The following BCAS3 variants were observed in gnomAD, a reference collection of about 807,000 sequenced individuals.
BCAS3 encodes BCAS4/BCAS3 fusion.
Under a neutral mutation model 116.1 loss-of-function variants are expected in BCAS3, and 53 were observed. The observed-to-expected ratio is 0.46, with a 90% CI of 0.37 to 0.57. The LOEUF (loss-of-function observed/expected upper bound fraction) is 0.57. Among genes scored for constraint, BCAS3 ranks in the 20% least tolerant of loss-of-function variants. The probability of loss-of-function intolerance (pLI) is 0.00; values close to 1 mark genes in which losing one functional copy is unlikely to be tolerated. For synonymous variants in BCAS3, 391 were observed against 408.2 expected (o/e 0.96, Z 0.51); for missense variants, 917 against 1,165.4 (o/e 0.79, Z 3.10).
intron 7 of BCAS3, among the ~76,000 whole-genome samples, chr17:60,838,717 G>A (rs2051599653): frequency 6.6e-6 from 1 of 152,188 alleles, no homozygotes; most frequent in Non-Finnish European, 1.5e-5. Context: ...TTTGGGCATA[G>A]TTTGTTGACT....
rs2055558889 is a variant in BCAS3, at chr17:61,324,384, G to T, written c.2426-43943G>T. Among the ~76,000 whole-genome samples, 1 of 152,226 alleles carries T rather than the reference G, an allele frequency of 6.6e-6. No individual in the cohort carries two copies. The highest frequency in any genetic ancestry group is 6.5e-5 in the Admixed American group (1 of 15,284). On this transcript the variant is annotated intron_variant, in intron 22 of 23. Coordinates refer to ENST00000407086, the MANE Select transcript of BCAS3 (RefSeq NM_017679.5). The surrounding 1 kb of genome is among the most constrained non-coding windows in gnomAD (Gnocchi z 4.6). ...TCACCCATTTGACCCCTGCAAGGCT[G>T]ATCACTGTCAGGGCAGGGCAGGGAG...
intron 22 of BCAS3, among the ~76,000 whole-genome samples, chr17:61,218,108 A>T (rs1006975154): frequency 8.6e-5 from 13 of 151,998 alleles, no homozygotes; most frequent in African/African-American, 3.1e-4. Context: ...TAAAGGAAAG[A>T]CTCCTAAATG....
chr17:60,882,088 C>T (rs2056217789), intron 9 of BCAS3, among the ~76,000 whole-genome samples: 2 of 149,104 alleles, frequency 1.3e-5, no homozygotes, highest in Admixed American at 1.3e-4. Flanking sequence ...TTCTCCACAT[C>T]CTCTCCAGCA....
Position 61,118,913 on chromosome 17 carries a change from CA to C in BCAS3, c.2425+34353del, listed in dbSNP as rs964642950. ...TCTTATTGCATACTAACACTACCCCCAAAATGCATTTTGCTTTTTAAATTAT... is the reference window on the plus strand; with the variant it reads ...TCTTATTGCATACTAACACTACCCCCAAATGCATTTTGCTTTTTAAATTAT... On this transcript the variant is annotated intron_variant, in intron 22 of 23. Transcript: ENST00000407086. The surrounding 1 kb of genome is among the most constrained non-coding windows in gnomAD (Gnocchi z 5.0). Among the ~76,000 whole-genome samples the C allele has an allele frequency of 5.9e-5, 9 of 152,094 alleles. No individual in the cohort carries two copies. Among genetic ancestry groups the C allele is most frequent in the Non-Finnish European group, 1.2e-4 (8 of 68,004 alleles).
At chr17:60,730,933 TA>T (rs1202958294) in intron 5 of BCAS3, among the ~76,000 whole-genome samples, 12 of 152,192 alleles carry the variant, frequency 7.9e-5, no homozygotes, top group Non-Finnish European at 1.5e-4. Context: ...GCTGGCTCTG[TA>T]GTTACTGTGG....
chr17:60,903,520 A>G (rs1046188635), intron 11 of BCAS3, among the ~76,000 whole-genome samples: 1 of 152,192 alleles, frequency 6.6e-6, no homozygotes, highest in African/African-American at 2.4e-5. Context: ...TTTTCTTAAG[A>G]CAGGGTCTCG....
intron 22 of BCAS3, among the ~76,000 whole-genome samples, chr17:61,173,465 G>A (rs1160753054): frequency 1.4e-5 from 2 of 147,514 alleles, no homozygotes; most frequent in African/African-American, 4.9e-5. Flanking sequence ...AAAAAAAATT[G>A]TTTTGAACTA....
intron 22 of BCAS3, among the ~76,000 whole-genome samples, chr17:61,257,420 C>CAAAAAAAA (rs35124459): frequency 1.7e-5 from 1 of 57,232 alleles, no homozygotes. Flanking sequence ...GACTCCATCT[C>CAAAAAAAA]AAAAAAAAAA....
intron 5 of BCAS3, among the ~76,000 whole-genome samples, chr17:60,718,837 A>G (rs140306718): frequency 0.031 from 4,732 of 152,220 alleles, 237 homozygotes; most frequent in African/African-American, 0.1. Flanking sequence ...CGAGGTGGGC[A>G]GATCACGAGG....
chr17:61,373,227 C>G (rs1171254544), intron 23 of BCAS3, among the ~76,000 whole-genome samples: 4 of 151,416 alleles, frequency 2.6e-5, no homozygotes, highest in African/African-American at 9.7e-5. Context: ...GTAACTGGGA[C>G]TCAGATACCC....
chr17:61,273,225 C>T lies in BCAS3; in HGVS notation c.2426-95102C>T, dbSNP rs527684778. Among the ~76,000 whole-genome samples the T allele has an allele frequency of 5.9e-5, 9 of 152,054 alleles. No homozygotes were observed. In the South Asian group the frequency reaches 1.9e-3, roughly 32 times the overall value. ...CCGAGCTCAAGCGATCCTCCCACCT[C>T]AGTCCCCCAAGTAGCTGGGACTACA... On this transcript the variant is annotated intron_variant, in intron 22 of 23. Coordinates refer to ENST00000407086, the MANE Select transcript of BCAS3 (RefSeq NM_017679.5).
At chr17:61,099,431 TTGGTAA>T (rs1255976723) in intron 22 of BCAS3, among the ~76,000 whole-genome samples, 4 of 152,332 alleles carry the variant, frequency 2.6e-5, no homozygotes, top group South Asian at 2.1e-4. Flanking sequence ...TGATTACAAG[TTGGTAA>T]TGCTGAGTCT....
rs542240291 is a variant in BCAS3, at chr17:61,325,679, A to T, written c.2426-42648A>T. 1.2e-4 allele frequency among the ~76,000 whole-genome samples: 18 copies of T among 152,352 alleles called. No homozygotes were observed. Among genetic ancestry groups the T allele is most frequent in the African/African-American group, 4.3e-4 (18 of 41,580 alleles). On this transcript the variant is annotated intron_variant, in intron 22 of 23. Coordinates refer to ENST00000407086, the MANE Select transcript of BCAS3 (RefSeq NM_017679.5). The surrounding 1 kb of genome is among the most constrained non-coding windows in gnomAD (Gnocchi z 6.4). ...GACAGGGCCCCGTTTTCAAAGAATAACTGGCTGGCTTCCAGGAGTAACAGG... is the reference window on the plus strand; with the variant it reads ...GACAGGGCCCCGTTTTCAAAGAATATCTGGCTGGCTTCCAGGAGTAACAGG...
chr17:60,996,318 A>T (rs2063832171), intron 15 of BCAS3, among the ~76,000 whole-genome samples: 1 of 152,154 alleles, frequency 6.6e-6, no homozygotes, highest in East Asian at 1.9e-4. Flanking sequence ...GCAAGAAAAG[A>T]TGAGGTTTGG....
chr17:61,149,426 T>A (rs1322708263), intron 22 of BCAS3, among the ~76,000 whole-genome samples: 1 of 152,110 alleles, frequency 6.6e-6, no homozygotes, highest in African/African-American at 2.4e-5. Flanking sequence ...CTCATGAGAG[T>A]TGGAGATTAA....
At chr17:60,727,309 C>T in intron 5 of BCAS3, 1 of 1,221,780 alleles carries the variant, frequency 8.2e-7, no homozygotes, top group Admixed American at 1.7e-5. Flanking sequence ...TGGTCTTAGC[C>T]TTCTTCAGGA....
chr17:60,869,655 T>C (rs999194512), intron 8 of BCAS3, among the ~76,000 whole-genome samples: 5 of 152,172 alleles, frequency 3.3e-5, no homozygotes, highest in African/African-American at 1.2e-4. Context: ...TTATAGGATG[T>C]AGGAAAAATA....
intron 6 of BCAS3, among the ~76,000 whole-genome samples, chr17:60,760,099 A>G (rs1221918273): frequency 1.3e-5 from 2 of 152,228 alleles, no homozygotes; most frequent in African/African-American, 4.8e-5. Context: ...TCTTGTAGCC[A>G]TCATACTTGT....
rs181863016 is a variant in BCAS3 at position 61,230,080 on chromosome 17, A to T, written c.2426-138247A>T. On this transcript the variant is annotated intron_variant, in intron 22 of 23. Transcript: ENST00000407086. ...GCCGAGGTTGCAGTGAGCTGAGATC[A>T]TGCCACTGCACTCCAGCCTGGGTGA... Among the ~76,000 whole-genome samples, 7 of 152,110 alleles carry T rather than the reference A, an allele frequency of 4.6e-5. No individual in the cohort carries two copies. The East Asian group carries it at 1.4e-3, about 29-fold the overall frequency.
Sources: allele counts gnomAD v4.1 joint callset (sites outside exome capture counted in the v4.1 genomes callset), GRCh38; gene constraint gnomAD v4.1.1; non-coding constraint Gnocchi (gnomAD v3.1); transcripts MANE v1.5; gene names NCBI Gene and HGNC (gene_info 2026-07-23, HGNC 2026-07-21).